The following PPP2R2C variants were observed in gnomAD, a reference collection of about 807,000 sequenced individuals.
PPP2R2C encodes protein phosphatase 2, regulatory subunit B, gamma.
In PPP2R2C, 10 loss-of-function variants were observed where a neutral mutation model predicts 45.3. That is an observed-to-expected ratio of 0.22 (90% confidence interval 0.14 to 0.37). The LOEUF is 0.37. Ranked by LOEUF, PPP2R2C falls within the 10% of genes least tolerant of loss-of-function variation. The pLI, the probability that PPP2R2C is intolerant of heterozygous loss-of-function variation, is 1.00. For synonymous variants in PPP2R2C, 257 were observed against 245.4 expected (o/e 1.05, Z -0.44); for missense variants, 308 against 619.7 (o/e 0.50, Z 5.34).
At position 6,510,990 on chromosome 4, in the gene PPP2R2C, C is replaced by CAAAAAAAAAA. The variant is rs1389589810; in HGVS notation, c.49+24280_49+24281insTTTTTTTTTT. Among the ~76,000 whole-genome samples the CAAAAAAAAAA allele has an allele frequency of 2.9e-4, 38 of 130,850 alleles. 1 individual carries two copies. The highest frequency in any genetic ancestry group is 4.5e-4 in the East Asian group (2 of 4,446). The allele number at this position is 130,850 out of a possible 152,430, so 85.8% of individuals were successfully genotyped here. A position where few individuals can be genotyped will look rare whatever the true frequency, so the allele number is the denominator to read the frequency against. On this transcript the variant is annotated intron_variant, in intron 2 of 9. Coordinates refer to the PPP2R2C transcript ENST00000506140. Reference sequence around the variant, plus strand: ...AGACTCCGTCTCAAACAAAAAAAAACAAACAAACAAAAAAAAAAACAGAAA... The same window carrying CAAAAAAAAAA: ...AGACTCCGTCTCAAACAAAAAAAAACAAAAAAAAAAAAACAAACAAAAAAAAAAACAGAAA...
At chr4:6,384,627 C>A in intron 1 of PPP2R2C, 1 of 985,368 alleles carries the variant, frequency 1.0e-6, no homozygotes, top group Non-Finnish European at 1.2e-6. Flanking sequence ...AATTAAAATG[C>A]CAATATAACT....
intron 2 of PPP2R2C, among the ~76,000 whole-genome samples, chr4:6,533,701 G>T (rs1355841483): frequency 6.6e-6 from 1 of 152,102 alleles, no homozygotes; most frequent in African/African-American, 2.4e-5. Flanking sequence ...CTTAAGTAAG[G>T]GTAGAAACCC....
chr4:6,324,959 A>C lies in PPP2R2C; in HGVS notation c.1053-1366T>G, dbSNP rs556804577. On this transcript the variant is annotated intron_variant, in intron 8 of 8. Transcript: ENST00000382599. This position sits in a 1 kb window ranked among gnomAD's most constrained non-coding sequence, Gnocchi z 4.1. The stretch of plus-strand genomic sequence containing the variant: ...TTGTCCTGCTGAAGGCTCTTCAGGG[A>C]GGAAATCCTGTTTCCTTTTGGAAGC... Among the ~76,000 whole-genome samples, 1 of 152,300 alleles carries C rather than the reference A, an allele frequency of 6.6e-6. No homozygotes were observed. The highest frequency in any genetic ancestry group is 2.4e-5 in the African/African-American group (1 of 41,562).
intron 1 of PPP2R2C, among the ~76,000 whole-genome samples, chr4:6,543,319 AC>A (rs1264040124): frequency 1.3e-5 from 2 of 151,958 alleles, no homozygotes; most frequent in South Asian, 4.2e-4. Context: ...GTCCTAATCG[AC>A]ACCCCACACA....
intron 1 of PPP2R2C, among the ~76,000 whole-genome samples, chr4:6,538,317 T>C (rs58611396): frequency 2.0e-5 from 3 of 152,140 alleles, no homozygotes; most frequent in African/African-American, 7.2e-5. Context: ...CCACGGACGC[T>C]TCCTCGGGGT....
chr4:6,493,097 C>A (rs1420796692), intron 2 of PPP2R2C, among the ~76,000 whole-genome samples: 1 of 152,132 alleles, frequency 6.6e-6, no homozygotes. Flanking sequence ...CCCTCAGATA[C>A]CTGCAAGCCT....
At chr4:6,414,054 G>C in intron 1 of PPP2R2C, 1 of 1,499,108 alleles carries the variant, frequency 6.7e-7, no homozygotes, top group Non-Finnish European at 8.9e-7. Context: ...GCATGGGACA[G>C]TAACATAAGT....
chr4:6,518,582 C>G (rs1187616767), intron 2 of PPP2R2C, among the ~76,000 whole-genome samples: 1 of 152,060 alleles, frequency 6.6e-6, no homozygotes, highest in African/African-American at 2.4e-5. Context: ...TACAATCTGC[C>G]AAAACTCACA....
At position 6,471,123 on chromosome 4, in the gene PPP2R2C, T is replaced by G. The variant is rs1023825474; in HGVS notation, c.70+1037A>C. Among the ~76,000 whole-genome samples the G allele has an allele frequency of 2.0e-5, 3 of 152,142 alleles. No homozygotes were observed. The highest frequency in any genetic ancestry group is 4.4e-5 in the Non-Finnish European group (3 of 68,016). ...CCTGACACAGGCACCCACGCGCACC[T>G]GCCCCGCGGGACCCGTGCCCAGGGC... On this transcript the variant is annotated intron_variant, in intron 1 of 8. Transcript: ENST00000382599. The surrounding 1 kb of genome is among the most constrained non-coding windows in gnomAD (Gnocchi z 5.6).
intron 6 of PPP2R2C, among the ~76,000 whole-genome samples, chr4:6,346,451 G>C (rs1265194852): frequency 6.6e-6 from 1 of 152,146 alleles, no homozygotes; most frequent in African/African-American, 2.4e-5. Flanking sequence ...CTCTGTCCCT[G>C]TACCTGACTT....
At chr4:6,348,974 CA>C (rs1712273188) in intron 5 of PPP2R2C, 1 of 978,542 alleles carries the variant, frequency 1.0e-6, no homozygotes. Flanking sequence ...CGGGGTGGCC[CA>C]GGTGTGATTG....
At chr4:6,450,760 C>T (rs1057080842) in intron 1 of PPP2R2C, among the ~76,000 whole-genome samples, 4 of 152,186 alleles carry the variant, frequency 2.6e-5, no homozygotes, top group African/African-American at 9.7e-5. Flanking sequence ...CAGTTTCCTT[C>T]TCTGCCAACT....
chr4:6,377,960 C>A (rs1327550120), intron 3 of PPP2R2C, among the ~76,000 whole-genome samples: 1 of 152,204 alleles, frequency 6.6e-6, no homozygotes, highest in African/African-American at 2.4e-5. Context: ...GCGGTGACAG[C>A]CCCAGTCTAG....
At chr4:6,499,190 GT>G (rs1722967352) in intron 2 of PPP2R2C, among the ~76,000 whole-genome samples, 1 of 152,160 alleles carries the variant, frequency 6.6e-6, no homozygotes, top group Non-Finnish European at 1.5e-5. Context: ...CAGTGCTTGG[GT>G]GTGTTGAGTG....
chr4:6,525,365 G>A (rs760206680), intron 2 of PPP2R2C, among the ~76,000 whole-genome samples: 1 of 151,972 alleles, frequency 6.6e-6, no homozygotes, highest in Non-Finnish European at 1.5e-5. Flanking sequence ...AGATTGTGCC[G>A]CTGCACTCCA....
chr4:6,445,758 C>T (rs754617832), intron 1 of PPP2R2C, among the ~76,000 whole-genome samples: 1 of 126,434 alleles, frequency 7.9e-6, no homozygotes, highest in Non-Finnish European at 1.8e-5. Flanking sequence ...AAATGTATAA[C>T]TTCACTAATG....
chr4:6,449,877 T>A (rs184007998), intron 1 of PPP2R2C, among the ~76,000 whole-genome samples: 60 of 152,316 alleles, frequency 3.9e-4, no homozygotes, highest in Admixed American at 1.8e-3. Flanking sequence ...CAGAGGAGGC[T>A]TCAAAACACC....
intron 6 of PPP2R2C, among the ~76,000 whole-genome samples, chr4:6,343,219 CAGA>C (rs1203008797): frequency 6.6e-6 from 1 of 152,194 alleles, no homozygotes; most frequent in Non-Finnish European, 1.5e-5. Context: ...ACAAGGCATG[CAGA>C]AGGACAGACA....
intron 2 of PPP2R2C, among the ~76,000 whole-genome samples, chr4:6,534,540 C>A (rs148125632): frequency 2.4e-4 from 36 of 152,114 alleles, no homozygotes; most frequent in African/African-American, 8.7e-4. Context: ...TCAATACACA[C>A]ACCCCAACAT....
Sources: allele counts gnomAD v4.1 joint callset (sites outside exome capture counted in the v4.1 genomes callset), GRCh38; gene constraint gnomAD v4.1.1; non-coding constraint Gnocchi (gnomAD v3.1); transcripts MANE v1.5; gene names NCBI Gene and HGNC (gene_info 2026-07-23, HGNC 2026-07-21).